The following SRRM1 variants were observed in gnomAD, a reference collection of about 807,000 sequenced individuals.
SRRM1 encodes the protein serine and arginine repetitive matrix 1.
Under a neutral mutation model 110.2 loss-of-function variants are expected in SRRM1, and 19 were observed. The ratio of observed to expected loss-of-function variants is 0.17; its 90% confidence interval spans 0.12 to 0.25. SRRM1 has a LOEUF of 0.25. SRRM1 is among the 10% of genes least tolerant of loss of function. The probability of loss-of-function intolerance (pLI) is 1.00; values close to 1 mark genes in which losing one functional copy is unlikely to be tolerated. For synonymous variants in SRRM1, 443 were observed against 414.9 expected (o/e 1.07, Z -0.82); for missense variants, 918 against 1,145.8 (o/e 0.80, Z 2.87).
intron 4 of SRRM1, among the ~76,000 whole-genome samples, chr1:24,649,571 TGGC>T (rs1437622916): frequency 1.3e-5 from 2 of 152,230 alleles, no homozygotes; most frequent in African/African-American, 2.4e-5. Context: ...TGCCCGCCCT[TGGC>T]GGGATTATAG....
At chr1:24,661,456 A>G in intron 11 of SRRM1, 60 bp downstream of exon 11, 1 of 1,230,260 alleles carries the variant, frequency 8.1e-7, no homozygotes, top group Non-Finnish European at 1.2e-6. Context: ...AATACTTGGT[A>G]TATAAACATC....
Position 24,669,414 on chromosome 1 carries a change from A to G in SRRM1, c.2031A>G (p.Gln677=), listed in dbSNP as rs776242541. ...CTACCCGGGAGGCCCGATCACCACA[A>G]CCAAACAAACGGCATTCGCCCTCAC... ...SRSTREARSP[Q]PNKRHSPSPR... The change falls in exon 14 of 17, where the codon CAA becomes CAG. Residue 677 remains glutamine (Q), a synonymous_variant. Transcript: ENST00000323848. The G allele has an allele frequency of 1.9e-6, 3 of 1,614,076 alleles. No individual in the cohort carries two copies. The highest frequency in any genetic ancestry group is 2.2e-5 in the South Asian group (2 of 91,076).
Position 24,657,914 on chromosome 1 carries a change from A to G in SRRM1, c.1315+2785A>G, listed in dbSNP as rs939121275. ...GTTATTTTACTATTGTTGGTCACAG[A>G]GTAACTTATCTTTATAAGTGATCTT... On this transcript the variant is annotated intron_variant, in intron 9 of 16. Transcript: ENST00000323848. Among the ~76,000 whole-genome samples, 4 of 152,316 alleles carry G rather than the reference A, an allele frequency of 2.6e-5. No individual in the cohort carries two copies. The East Asian group carries it at 7.7e-4, about 29-fold the overall frequency.
intron 6 of SRRM1, among the ~76,000 whole-genome samples, chr1:24,651,898 A>G (rs1660894091): frequency 6.6e-6 from 1 of 150,986 alleles, no homozygotes; most frequent in Non-Finnish European, 1.5e-5. Context: ...TAAGAAATGT[A>G]TGTGGTTGCC....
chr1:24,659,293 G>A (rs1360323940), intron 9 of SRRM1, among the ~76,000 whole-genome samples: 1 of 152,090 alleles, frequency 6.6e-6, no homozygotes, highest in African/African-American at 2.4e-5. Context: ...TGCGATTACT[G>A]TGTTAGATCA....
rs1456256620 is a variant in SRRM1 at position 24,662,744 on chromosome 1, A to G, written c.1568A>G (p.His523Arg). 3 of 1,614,116 alleles carry G rather than the reference A, an allele frequency of 1.9e-6. No individual in the cohort carries two copies. Among genetic ancestry groups the G allele is most frequent in the African/African-American group, 1.3e-5 (1 of 74,938 alleles). The change falls in exon 12 of 17, where the codon CAT (histidine) becomes CGT (arginine). Residue 523 changes from histidine to arginine, a missense_variant. His to Arg is a conservative substitution (Grantham distance 29). This residue lies in a region of SRRM1 where 357 missense variants were observed against 402.9 expected (regional missense o/e 0.89). Coordinates refer to ENST00000323848, the MANE Select transcript of SRRM1 (RefSeq NM_005839.4). ...KNGEVGRRRRHSPSRSASPSP... is the reference protein window; with the variant it reads ...KNGEVGRRRRRSPSRSASPSP... ...GGTGAGGTTGGCAGGCGGCGGAGAC[A>G]TTCCCCTTCCCGGAGTGCTTCTCCA...
intron 9 of SRRM1, among the ~76,000 whole-genome samples, chr1:24,656,594 C>T (rs2148472114): frequency 6.6e-6 from 1 of 152,252 alleles, no homozygotes; most frequent in Admixed American, 6.5e-5. Flanking sequence ...TGCCCATGGC[C>T]CTGGCCTATT....
At chr1:24,671,711 TA>T (rs1332455154) in intron 16 of SRRM1, 116 bp downstream of exon 16, 2 of 899,914 alleles carry the variant, frequency 2.2e-6, no homozygotes, top group African/African-American at 1.7e-5. Context: ...TACTCTGAGA[TA>T]AAAGTCACGT....
chr1:24,663,882 AAT>A, intron 12 of SRRM1, among the ~76,000 whole-genome samples: 1 of 9,386 alleles, frequency 1.1e-4, no homozygotes, highest in East Asian at 2.7e-3. Flanking sequence ...TCTCAAAAAT[AAT>A]AATAATAATA....
At chr1:24,658,991 C>T (rs1472613051) in intron 9 of SRRM1, among the ~76,000 whole-genome samples, 2 of 152,138 alleles carry the variant, frequency 1.3e-5, no homozygotes, top group African/African-American at 4.8e-5. Context: ...GTTGGGAGTT[C>T]AAGACCCGCG....
intron 9 of SRRM1, among the ~76,000 whole-genome samples, chr1:24,658,520 C>A (rs1329760711): frequency 6.6e-6 from 1 of 152,094 alleles, no homozygotes; most frequent in East Asian, 1.9e-4. Flanking sequence ...TAGGCTTTTG[C>A]CAACTATCTT....
intron 1 of SRRM1, among the ~76,000 whole-genome samples, chr1:24,644,447 T>C (rs933484110): frequency 6.6e-6 from 1 of 152,232 alleles, no homozygotes; most frequent in African/African-American, 2.4e-5. Flanking sequence ...AGCATGTAAT[T>C]TGCAGTTTGT....
chr1:24,660,792 T>C lies in SRRM1; in HGVS notation c.1389T>C (p.Ser463=). The change falls in exon 10 of 17, where the codon TCT becomes TCC. Residue 463 remains serine, a synonymous_variant. Transcript: ENST00000323848. ...CGAAGCCTAGAAAAGTAGAGTTATCTGAATCGGGTAAGTTTGTTGTTTTTT... is the reference window on the plus strand; with the variant it reads ...CGAAGCCTAGAAAAGTAGAGTTATCCGAATCGGGTAAGTTTGTTGTTTTTT... ...PAPKPRKVEL[S]ESEEDKGGKM... is the part of the protein sequence containing the mutation. 1 of 1,593,022 alleles carries C rather than the reference T, an allele frequency of 6.3e-7. No homozygotes were observed. The highest frequency in any genetic ancestry group is 8.5e-7 in the Non-Finnish European group (1 of 1,171,128).
chr1:24,652,065 TACAC>T (rs528640805), intron 6 of SRRM1, among the ~76,000 whole-genome samples: 1 of 134,264 alleles, frequency 7.4e-6, no homozygotes, highest in African/African-American at 2.7e-5. Context: ...TATATATATG[TACAC>T]ACACACACAC....
In SRRM1 at chr1:24,652,974, C is replaced by A; in HGVS notation, c.982C>A (p.Pro328Thr). 6.2e-7 allele frequency: 1 copy of A among 1,613,956 alleles called. No homozygotes were observed. Among genetic ancestry groups the A allele is most frequent in the Non-Finnish European group, 8.5e-7 (1 of 1,179,898 alleles). ...RRRPSPRRRT[P>T]PRRMPPPPRH... ...GCGGCCATCTCCTCGAAGAAGAACT[C>A]CGCCAAGAAGAATGCCTCCTCCACC... The change falls in exon 8 of 17, where the codon CCG (proline) becomes ACG (threonine). Residue 328 changes from proline to threonine, a missense_variant. Transcript: ENST00000323848.
chr1:24,668,290 G>A (rs1239535399), intron 13 of SRRM1, among the ~76,000 whole-genome samples: 6 of 152,174 alleles, frequency 3.9e-5, no homozygotes, highest in Admixed American at 6.5e-5. Context: ...TTGAATGCCT[G>A]TTAAGTGCCA....
intron 6 of SRRM1, 40 bp from the exon 7 acceptor site, chr1:24,652,394 A>C: frequency 7.0e-7 from 1 of 1,421,808 alleles, no homozygotes; most frequent in Non-Finnish European, 9.5e-7. Flanking sequence ...GGCTGAGTAC[A>C]AGAAGGCAAA....
At chr1:24,672,111 G>C in intron 16 of SRRM1, 71 bp from the exon 17 acceptor site, 1 of 1,212,492 alleles carries the variant, frequency 8.2e-7, no homozygotes, top group East Asian at 2.6e-5. Context: ...CCCACACTTT[G>C]ATTCTGCTCT....
chr1:24,667,337 AG>A (rs887078075), intron 13 of SRRM1, among the ~76,000 whole-genome samples: 3 of 152,250 alleles, frequency 2.0e-5, no homozygotes, highest in African/African-American at 7.2e-5. Context: ...TAGATTTTAT[AG>A]CAGGTGAATC....
Sources: gnomAD v4.1 joint callset for allele counts (sites outside exome capture counted in the v4.1 genomes callset) on GRCh38, gnomAD v4.1.1 for gene constraint, gnomAD v4.1.1 regional missense constraint, MANE v1.5 for transcripts, NCBI Gene and HGNC (gene_info 2026-07-23, HGNC 2026-07-21) for gene names.